MEF2A: variants seen among roughly 807,000 people sequenced by gnomAD.
MEF2A encodes the protein myocyte enhancer factor 2A, also known as myocyte-specific enhancer factor 2A.
Under a neutral mutation model 55.8 loss-of-function variants are expected in MEF2A, and 28 were observed. That is an observed-to-expected ratio of 0.50 (90% CI 0.37 to 0.69). The LOEUF (loss-of-function observed/expected upper bound fraction) is 0.69, where lower values mean the gene tolerates loss of function less well. Ranked by LOEUF, MEF2A falls within the 30% of genes least tolerant of loss-of-function variation. The pLI, the probability that MEF2A is intolerant of heterozygous loss-of-function variation, is 0.00. For synonymous variants in MEF2A, 239 were observed against 227.1 expected, an observed-to-expected ratio of 1.05 and a Z score of -0.47; for missense variants, 528 against 626.2, an observed-to-expected ratio of 0.84 and a Z score of 1.67.
At chr15:99,606,976 T>G (rs1043348054) in intron 2 of MEF2A, among the ~76,000 whole-genome samples, 1 of 152,150 alleles carries the variant, frequency 6.6e-6, no homozygotes, top group Admixed American at 6.5e-5. Flanking sequence ...GTGGAGTACT[T>G]TACAGCTGTA....
chr15:99,688,619 T>TGGTGGCGGGCGC (rs1281912147), intron 7 of MEF2A, among the ~76,000 whole-genome samples: 2 of 151,888 alleles, frequency 1.3e-5, no homozygotes, highest in East Asian at 3.9e-4. Flanking sequence ...TAGCCGGGCG[T>TGGTGGCGGGCGC]GGTGGCGGGC....
chr15:99,573,419 A>G (rs1040221990), intron 1 of MEF2A, among the ~76,000 whole-genome samples: 1 of 152,140 alleles, frequency 6.6e-6, no homozygotes, highest in Admixed American at 6.5e-5. Context: ...TGTGTTTTCT[A>G]TTAACATACG....
At chr15:99,705,835 CAAAT>C (rs1476688764) in intron 9 of MEF2A, among the ~76,000 whole-genome samples, 1 of 152,172 alleles carries the variant, frequency 6.6e-6, no homozygotes, top group Non-Finnish European at 1.5e-5. Flanking sequence ...TTATAAAAAA[CAAAT>C]AGAGTTGTGC....
rs771401507 is a variant in MEF2A, at chr15:99,712,558, C to G, written c.1305C>G (p.Pro435=). The G allele has an allele frequency of 6.4e-7, 1 of 1,550,416 alleles. No individual in the cohort carries two copies. The highest frequency in any genetic ancestry group is 1.4e-5 in the African/African-American group (1 of 72,888). ...AGCAGCCGCCGCCACCACCGCAGCCCCAGCCACAACCCCCGCAGCCCCAGC... is the reference window on the plus strand; with the variant it reads ...AGCAGCCGCCGCCACCACCGCAGCCGCAGCCACAACCCCCGCAGCCCCAGC... ...QQQQPPPPPQ[P]QPQPPQPQPR... The change falls in exon 12 of 12, where the codon CCC becomes CCG. Residue 435 remains proline, a synonymous_variant. Transcript: ENST00000557942. This position sits in a 1 kb window ranked among gnomAD's most constrained non-coding sequence, Gnocchi z 4.1.
chr15:99,678,951 A>G (rs2052665014), intron 7 of MEF2A, among the ~76,000 whole-genome samples: 2 of 152,248 alleles, frequency 1.3e-5, no homozygotes, highest in Admixed American at 1.3e-4. Flanking sequence ...ATGAGAACAC[A>G]TCACTTCACA....
At chr15:99,657,755 C>A (rs1004540457) in intron 4 of MEF2A, among the ~76,000 whole-genome samples, 1 of 152,026 alleles carries the variant, frequency 6.6e-6, no homozygotes, top group Non-Finnish European at 1.5e-5. Flanking sequence ...AGAGGAAAAT[C>A]CACTGCCTTC....
intron 2 of MEF2A, among the ~76,000 whole-genome samples, chr15:99,617,844 T>G (rs2040465498): frequency 1.3e-5 from 2 of 152,214 alleles, no homozygotes. Flanking sequence ...TAGGCTTCTT[T>G]GCTCTGAATT....
At chr15:99,595,384 T>C (rs761409417) in intron 1 of MEF2A, among the ~76,000 whole-genome samples, 2 of 152,140 alleles carry the variant, frequency 1.3e-5, no homozygotes, top group Non-Finnish European at 2.9e-5. Flanking sequence ...TTTTTTCTCA[T>C]TAAGGACTTT....
chr15:99,565,870 G>A (rs1296554484), upstream of MEF2A: 1 of 153,726 alleles, frequency 6.5e-6, no homozygotes, highest in Non-Finnish European at 1.4e-5. Context: ...CAGGAGGGAG[G>A]GGAGGCAGGG....
Position 99,714,161 on chromosome 15 carries a change from AC to A in MEF2A, c.*1391del, listed in dbSNP as rs1416206657. 3.3e-5 allele frequency: 5 copies of A among 152,194 alleles called. No homozygotes were observed. The highest frequency in any genetic ancestry group is 7.4e-5 in the Non-Finnish European group (5 of 68,026). 9.4% of individuals were successfully genotyped at this position (152,194 alleles called of 1,614,324 possible). ...GCATCATTATATATTTTGTATGTGT[AC>A]ATAAATAGCAAAGTGGCAAAAAAAA... On this transcript the variant is annotated 3_prime_UTR_variant, in exon 12 of 12. Transcript: ENST00000557942.
At chr15:99,671,222 A>G (rs2050802978) in intron 4 of MEF2A, 101 bp from the exon 5 acceptor site, 3 of 1,307,738 alleles carry the variant, frequency 2.3e-6, no homozygotes, top group Admixed American at 4.5e-5. Context: ...TGGCTCTTGT[A>G]TAATTCAGTT....
At chr15:99,609,565 G>A (rs1976409394) in intron 2 of MEF2A, among the ~76,000 whole-genome samples, 1 of 152,108 alleles carries the variant, frequency 6.6e-6, no homozygotes, top group African/African-American at 2.4e-5. Flanking sequence ...AATATAGCAT[G>A]TACAATTGAG....
chr15:99,712,943 T>C lies in MEF2A; in HGVS notation c.*172T>C. On this transcript the variant is annotated 3_prime_UTR_variant, in exon 12 of 12. Transcript: ENST00000557942. The surrounding 1 kb of genome is among the most constrained non-coding windows in gnomAD (Gnocchi z 4.1). Reference sequence around the variant, plus strand: ...TGTGTATGTGTGGGTGTGTGTTACATACACAGAATCAGGCACTTACCTGCA... The same window carrying C: ...TGTGTATGTGTGGGTGTGTGTTACACACACAGAATCAGGCACTTACCTGCA... 1 of 776,816 alleles carries C rather than the reference T, an allele frequency of 1.3e-6. No individual in the cohort carries two copies. Among genetic ancestry groups the C allele is most frequent in the Non-Finnish European group, 2.0e-6 (1 of 499,438 alleles). The allele number at this position is 776,816 out of a possible 1,614,324, so 48.1% of individuals were successfully genotyped here. A position where few individuals can be genotyped will look rare whatever the true frequency, so the allele number is the denominator to read the frequency against.
intron 2 of MEF2A, among the ~76,000 whole-genome samples, chr15:99,617,272 T>C (rs2040360790): frequency 1.2e-5 from 1 of 81,294 alleles, no homozygotes; most frequent in Non-Finnish European, 3.8e-5. Flanking sequence ...GTTTTTTTTT[T>C]TTTGTATGGT....
intron 8 of MEF2A, among the ~76,000 whole-genome samples, chr15:99,699,984 GTATATATA>G (rs145627557): frequency 1.8e-5 from 2 of 109,772 alleles, no homozygotes; most frequent in Non-Finnish European, 3.8e-5. Flanking sequence ...GTGTGTGTGT[GTATATATA>G]TATATATAAT....
intron 2 of MEF2A, 147 bp from the exon 3 acceptor site, chr15:99,632,831 C>G (rs1223854299): frequency 7.5e-6 from 2 of 264,948 alleles, no homozygotes; most frequent in Non-Finnish European, 1.4e-5. Context: ...GTTAACAAGA[C>G]TTCAACTTAT....
chr15:99,568,420 C>A (rs1011880479), intron 1 of MEF2A, among the ~76,000 whole-genome samples: 8 of 152,086 alleles, frequency 5.3e-5, no homozygotes, highest in African/African-American at 1.2e-4. Context: ...AATTTCGTTA[C>A]AATTTGCCTT....
chr15:99,638,269 T>A (rs1474463416), intron 3 of MEF2A, among the ~76,000 whole-genome samples: 2 of 152,162 alleles, frequency 1.3e-5, no homozygotes, highest in East Asian at 3.8e-4. Context: ...AAATTTTTTT[T>A]TTAAAGATAA....
In MEF2A at chr15:99,633,574, A is replaced by G. The variant is rs997510549; in HGVS notation, c.54+401A>G. ...CTAAGTTAACTATAATTATCAGTGA[A>G]TGTGTTCTAGTCAGTTAAATTTTCT... On this transcript the variant is annotated intron_variant, in intron 3 of 11. Coordinates refer to ENST00000557942, the MANE Select transcript of MEF2A (RefSeq NM_001319206.4). 1.6e-4 allele frequency among the ~76,000 whole-genome samples: 24 copies of G among 152,120 alleles called. 2 individuals are homozygous for G. Among genetic ancestry groups the G allele is most frequent in the Admixed American group, 1.3e-3 (20 of 15,272 alleles).
Sources: gnomAD v4.1 joint callset for allele counts (sites outside exome capture counted in the v4.1 genomes callset) on GRCh38, gnomAD v4.1.1 for gene constraint, Gnocchi (gnomAD v3.1) non-coding constraint, MANE v1.5 for transcripts, NCBI Gene and HGNC (gene_info 2026-07-23, HGNC 2026-07-21) for gene names.